C1QTNF1: variants seen among roughly 807,000 people sequenced by gnomAD.
C1QTNF1 encodes the protein complement C1q tumor necrosis factor-related protein 1.
In C1QTNF1, 22 loss-of-function variants were observed where a neutral mutation model predicts 27.8. The observed-to-expected ratio is 0.79, with a 90% CI of 0.56 to 1.13. The LOEUF (loss-of-function observed/expected upper bound fraction) is 1.13, where lower values mean the gene tolerates loss of function less well. Among genes scored for constraint, C1QTNF1 ranks in the 50% most tolerant of loss-of-function variants. The probability of loss-of-function intolerance (pLI) is 0.00; values close to 1 mark genes in which losing one functional copy is unlikely to be tolerated. For synonymous variants in C1QTNF1, 166 were observed against 154.3 expected, an observed-to-expected ratio of 1.08 and a Z score of -0.56; for missense variants, 373 against 380.2, an observed-to-expected ratio of 0.98 and a Z score of 0.16.
At chr17:79,030,699 AAGC>A (rs2072118221) in intron 1 of C1QTNF1, among the ~76,000 whole-genome samples, 3 of 151,566 alleles carry the variant, frequency 2.0e-5, no homozygotes, top group Non-Finnish European at 4.4e-5. Flanking sequence ...TCCTGGGTTC[AAGC>A]GATTCTCCTG....
chr17:79,043,442 G>C (rs369498123), intron 1 of C1QTNF1: 2 of 453,916 alleles, frequency 4.4e-6, no homozygotes, highest in Non-Finnish European at 8.8e-6. Context: ...GCATGTGAGC[G>C]TGTGGATTCC....
chr17:79,032,099 G>A (rs893492118), intron 1 of C1QTNF1, among the ~76,000 whole-genome samples: 2 of 152,088 alleles, frequency 1.3e-5, no homozygotes, highest in Non-Finnish European at 1.5e-5. Flanking sequence ...AATGAGATGG[G>A]GCTCCCATTT....
intron 1 of C1QTNF1, chr17:79,034,340 GC>G (rs1568063312): frequency 3.3e-5 from 5 of 152,356 alleles, no homozygotes. Context: ...GCCGCCCGAG[GC>G]CTTCCAGCTG....
chr17:79,031,264 C>T (rs2072134493), intron 1 of C1QTNF1, among the ~76,000 whole-genome samples: 1 of 152,068 alleles, frequency 6.6e-6, no homozygotes, highest in Non-Finnish European at 1.5e-5. Flanking sequence ...CTCGGCCTCC[C>T]AAAGTGATGG....
intron 1 of C1QTNF1, among the ~76,000 whole-genome samples, chr17:79,037,219 T>C (rs1304791209): frequency 6.6e-6 from 1 of 152,150 alleles, no homozygotes; most frequent in Non-Finnish European, 1.5e-5. Flanking sequence ...AACCTCCGAC[T>C]CCCTGGTTCA....
intron 1 of C1QTNF1, among the ~76,000 whole-genome samples, chr17:79,035,359 C>T (rs902096809): frequency 1.3e-5 from 2 of 151,058 alleles, no homozygotes; most frequent in Admixed American, 6.6e-5. Context: ...GGGGATGGCA[C>T]GAAGGGGTGG....
chr17:79,034,819 G>C (rs1427544684), intron 1 of C1QTNF1, among the ~76,000 whole-genome samples: 2 of 152,146 alleles, frequency 1.3e-5, no homozygotes, highest in African/African-American at 2.4e-5. Flanking sequence ...AGGAGAGAGG[G>C]AGATTGAGAG....
At chr17:79,044,619 C>T (rs1461856399) in intron 2 of C1QTNF1, among the ~76,000 whole-genome samples, 1 of 152,112 alleles carries the variant, frequency 6.6e-6, no homozygotes, top group Non-Finnish European at 1.5e-5. Flanking sequence ...GGCCAAGTGT[C>T]GGCTTCCCTT....
In C1QTNF1 at chr17:79,046,126, G is replaced by A. The variant is rs1022845624; in HGVS notation, c.156-429G>A. On this transcript the variant is annotated intron_variant, in intron 2 of 3. Transcript: ENST00000579760. The surrounding 1 kb of genome is among the most constrained non-coding windows in gnomAD (Gnocchi z 4.8). ...TTGGAAACATAAGAGTCTCTCCAGC[G>A]GCTACAGCTGAGGGGAATCCTAAAG... Among the ~76,000 whole-genome samples the A allele has an allele frequency of 6.6e-6, 1 of 152,192 alleles. No individual in the cohort carries two copies. Among genetic ancestry groups the A allele is most frequent in the African/African-American group, 2.4e-5 (1 of 41,436 alleles).
intron 1 of C1QTNF1, among the ~76,000 whole-genome samples, chr17:79,035,176 C>T (rs529721299): frequency 4.6e-5 from 7 of 152,184 alleles, no homozygotes; most frequent in Admixed American, 2.6e-4. Flanking sequence ...GACACCCCAA[C>T]GTGGCACCTT....
At chr17:79,031,370 C>G (rs1225976012) in intron 1 of C1QTNF1, among the ~76,000 whole-genome samples, 1 of 152,162 alleles carries the variant, frequency 6.6e-6, no homozygotes, top group Non-Finnish European at 1.5e-5. Flanking sequence ...CCCCATCCCT[C>G]CCTATTGCTG....
Position 79,046,642 on chromosome 17 carries a change from C to A in C1QTNF1, c.243C>A (p.Thr81=), listed in dbSNP as rs1264039016. ...GCTTGCGCTGCTGTGACCCCGGTAC[C>A]TCCATGTACCCGGCGACCGCCGTGC... ...SRCLRCCDPG[T]SMYPATAVPQ... The change falls in exon 3 of 4, where the codon ACC becomes ACA. Residue 81 remains threonine (T), a synonymous_variant. Coordinates refer to ENST00000579760, the MANE Select transcript of C1QTNF1 (RefSeq NM_030968.5). This position sits in a 1 kb window ranked among gnomAD's most constrained non-coding sequence, Gnocchi z 4.8. 1 of 1,614,058 alleles carries A rather than the reference C, an allele frequency of 6.2e-7. No homozygotes were observed. The highest frequency in any genetic ancestry group is 8.5e-7 in the Non-Finnish European group (1 of 1,180,024).
intron 1 of C1QTNF1, among the ~76,000 whole-genome samples, chr17:79,040,336 A>C (rs1053169929): frequency 3.3e-5 from 5 of 152,228 alleles, no homozygotes; most frequent in African/African-American, 7.2e-5. Flanking sequence ...GTGGTGGCGC[A>C]TGCCTGTAGT....
chr17:79,042,142 C>A (rs779556594), intron 1 of C1QTNF1, among the ~76,000 whole-genome samples: 1 of 152,202 alleles, frequency 6.6e-6, no homozygotes, highest in African/African-American at 2.4e-5. Flanking sequence ...TGCGACATTT[C>A]GAGTTTTACA....
At chr17:79,030,458 C>CTTTCTTTCT (rs2072095658) in intron 1 of C1QTNF1, among the ~76,000 whole-genome samples, 1 of 140,470 alleles carries the variant, frequency 7.1e-6, no homozygotes, top group African/African-American at 2.7e-5. Context: ...TTCTTTCTTT[C>CTTTCTTTCT]TTTTCTTTCT....
chr17:79,023,704 G>GCACAAA (rs2071834975), upstream of C1QTNF1, among the ~76,000 whole-genome samples: 1 of 144,936 alleles, frequency 6.9e-6, no homozygotes, highest in Non-Finnish European at 1.5e-5. Flanking sequence ...GCGCGCGCGC[G>GCACAAA]CACACACACA....
intron 1 of C1QTNF1, among the ~76,000 whole-genome samples, chr17:79,028,511 A>G (rs1568059592): frequency 6.6e-6 from 1 of 152,194 alleles, no homozygotes; most frequent in Non-Finnish European, 1.5e-5. Context: ...TTCTCCTTGT[A>G]AAGAATCTAA....
Position 79,048,113 on chromosome 17 carries a change from C to A in C1QTNF1, c.*25C>A. 1 of 1,365,694 alleles carries A rather than the reference C, an allele frequency of 7.3e-7. No homozygotes were observed. Among genetic ancestry groups the A allele is most frequent in the Non-Finnish European group, 9.6e-7 (1 of 1,042,014 alleles). The allele number at this position is 1,365,694 out of a possible 1,614,324, so 84.6% of individuals were successfully genotyped here. The stretch of plus-strand genomic sequence containing the variant: ...GCTGGCCGGCCACCTCCTTTCCTCT[C>A]GCCACCTTCCACCCCTGCGCTGTGC... On this transcript the variant is annotated 3_prime_UTR_variant, in exon 4 of 4. Transcript: ENST00000579760.
intron 1 of C1QTNF1, among the ~76,000 whole-genome samples, chr17:79,036,174 CTTTTTA>C (rs150380023): frequency 0.023 from 3,559 of 152,252 alleles, 117 homozygotes; most frequent in African/African-American, 0.081. Context: ...CTACATGTGG[CTTTTTA>C]TTTTTATGTT....
Sources: allele counts gnomAD v4.1 joint callset (sites outside exome capture counted in the v4.1 genomes callset), GRCh38; gene constraint gnomAD v4.1.1; non-coding constraint Gnocchi (gnomAD v3.1); transcripts MANE v1.5; gene names NCBI Gene and HGNC (gene_info 2026-07-23, HGNC 2026-07-21).